KDM7A: variants seen among roughly 807,000 people sequenced by gnomAD.
The protein encoded by KDM7A is lysine demethylase 7A.
A neutral mutation model predicts 114.8 loss-of-function variants in KDM7A; 28 were observed. That is an observed-to-expected ratio of 0.24 (90% CI 0.18 to 0.33). The LOEUF (loss-of-function observed/expected upper bound fraction) is 0.33. Ranked by LOEUF, KDM7A falls within the 10% of genes least tolerant of loss-of-function variation. The probability of loss-of-function intolerance (pLI) is 1.00; values close to 1 mark genes in which losing one functional copy is unlikely to be tolerated. For missense variants in KDM7A, 942 were observed against 1,142.5 expected (o/e 0.82, Z 2.53); for synonymous variants, 423 against 397.8 (o/e 1.06, Z -0.75).
chr7:140,159,792 T>C (rs906530032), intron 1 of KDM7A, among the ~76,000 whole-genome samples: 1 of 152,138 alleles, frequency 6.6e-6, no homozygotes, highest in Non-Finnish European at 1.5e-5. Flanking sequence ...GGGATCCAGA[T>C]GCAATCAGCA....
In KDM7A at chr7:140,119,502, G is replaced by A. The variant is rs1246189168; in HGVS notation, c.1140-283C>T. ...TGGTTTTAACAAAAGACATTTTTAC[G>A]AGGGTTCTACTACAATAAATAAAAC... On this transcript the variant is annotated intron_variant, in intron 8 of 19. Transcript: ENST00000397560. 5.3e-5 allele frequency among the ~76,000 whole-genome samples: 8 copies of A among 152,272 alleles called. No homozygotes were observed. In the East Asian group the frequency reaches 5.8e-4, roughly 11 times the overall value.
chr7:140,124,438 G>T (rs1451551439), intron 7 of KDM7A, among the ~76,000 whole-genome samples, 183 bp downstream of exon 7: 1 of 152,116 alleles, frequency 6.6e-6, no homozygotes, highest in Non-Finnish European at 1.5e-5. Flanking sequence ...AATGCCAAAA[G>T]AAGTCCTAAC....
At position 140,085,925 on chromosome 7, in the gene KDM7A, CAAAG is replaced by C. The variant is rs1259321254; in HGVS notation, c.*5165_*5168del. 6.6e-6 allele frequency: 1 copy of C among 152,112 alleles called. No individual in the cohort carries two copies. Among genetic ancestry groups the C allele is most frequent in the African/African-American group, 2.4e-5 (1 of 41,404 alleles). The allele number at this position is 152,112 out of a possible 1,614,324, so 9.4% of individuals were successfully genotyped here. ...GTAAGTTTTACCAACCAAAATACAC[CAAAG>C]AAATATGAGAGTATGTCTGGGTTAT... is the stretch of plus-strand genomic sequence containing the variant. On this transcript the variant is annotated 3_prime_UTR_variant, in exon 20 of 20. Coordinates refer to ENST00000397560, the MANE Select transcript of KDM7A (RefSeq NM_030647.2).
Position 140,108,177 on chromosome 7 carries a change from T to A in KDM7A, c.1428+2918A>T, listed in dbSNP as rs557753410. 3.5e-4 allele frequency among the ~76,000 whole-genome samples: 54 copies of A among 152,304 alleles called. No homozygotes were observed. In the South Asian group the frequency reaches 0.011, roughly 30 times the overall value. ...TTATTCTAGTTAGCCATTTGTCATA[T>A]CTTTTTTTTCAAGGTTTTTAGCTTC... On this transcript the variant is annotated intron_variant, in intron 11 of 19. Transcript: ENST00000397560.
chr7:140,154,995 A>T (rs1794442796), intron 1 of KDM7A, among the ~76,000 whole-genome samples: 1 of 152,232 alleles, frequency 6.6e-6, no homozygotes, highest in Non-Finnish European at 1.5e-5. Flanking sequence ...TTATCAACAC[A>T]GGAGACTAAA....
intron 1 of KDM7A, among the ~76,000 whole-genome samples, chr7:140,171,524 T>C (rs909750588): frequency 6.9e-5 from 10 of 145,070 alleles, no homozygotes; most frequent in African/African-American, 2.5e-4. Context: ...TTTATAAATA[T>C]ATATTTATTT....
chr7:140,144,452 G>C (rs1325846294), intron 1 of KDM7A, among the ~76,000 whole-genome samples: 1 of 152,082 alleles, frequency 6.6e-6, no homozygotes, highest in Non-Finnish European at 1.5e-5. Context: ...TGGGTTTTGA[G>C]ATCTGACACC....
Position 140,164,416 on chromosome 7 carries a change from C to G in KDM7A, c.194+12328G>C, listed in dbSNP as rs189998857. Among the ~76,000 whole-genome samples the G allele has an allele frequency of 2.0e-5, 3 of 152,290 alleles. No homozygotes were observed. In the East Asian group the frequency reaches 5.8e-4, roughly 29 times the overall value. On this transcript the variant is annotated intron_variant, in intron 1 of 19. Coordinates refer to ENST00000397560, the MANE Select transcript of KDM7A (RefSeq NM_030647.2). ...AGCATCCCTGCCCTCTACCTACTAG[C>G]TGCTAGTAGCAACCACTCTGCCACT...
At chr7:140,126,107 T>C in intron 6 of KDM7A, among the ~76,000 whole-genome samples, 1 of 152,136 alleles carries the variant, frequency 6.6e-6, no homozygotes, top group Non-Finnish European at 1.5e-5. Flanking sequence ...AGGGTCTCAC[T>C]ATGTTGCTCA....
chr7:140,099,844 C>G, intron 13 of KDM7A, 55 bp downstream of exon 13: 1 of 1,546,194 alleles, frequency 6.5e-7, no homozygotes, highest in Non-Finnish European at 8.9e-7. Flanking sequence ...GTTAAATGAA[C>G]AAAGGGAACC....
chr7:140,120,394 C>T (rs887511436), intron 8 of KDM7A, 48 bp downstream of exon 8: 3 of 1,093,036 alleles, frequency 2.7e-6, no homozygotes, highest in African/African-American at 3.1e-5. Context: ...AAAAAGTATC[C>T]TATTTTTAAA....
At chr7:140,174,254 C>T (rs1176462022) in intron 1 of KDM7A, among the ~76,000 whole-genome samples, 1 of 152,076 alleles carries the variant, frequency 6.6e-6, no homozygotes, top group Non-Finnish European at 1.5e-5. Flanking sequence ...AATTTTCTAA[C>T]TTTTGACATC....
rs1193058682 is a variant in KDM7A, at chr7:140,176,434, G to T, written c.194+310C>A. ...GCGCTCCGCCCGACGCCCCCGCCGC[G>T]CCCGCCCGGCCGCGTCCCCTCGCCC... is the stretch of plus-strand genomic sequence containing the variant. On this transcript the variant is annotated intron_variant, in intron 1 of 19. Transcript: ENST00000397560. The surrounding 1 kb of genome is among the most constrained non-coding windows in gnomAD (Gnocchi z 4.4). 1.4e-5 allele frequency among the ~76,000 whole-genome samples: 2 copies of T among 141,122 alleles called. No individual in the cohort carries two copies. Among genetic ancestry groups the T allele is most frequent in the African/African-American group, 5.0e-5 (2 of 39,692 alleles). 92.6% of individuals were successfully genotyped at this position (141,122 alleles called of 152,430 possible). A position where few individuals can be genotyped will look rare whatever the true frequency, so the allele number is the denominator to read the frequency against.
rs375305333 is a variant in KDM7A at position 140,097,605 on chromosome 7, T to C, written c.1956A>G (p.Arg652=). ...CAGAAATATCAGAATATCCTGATGA[T>C]CTACTCCTGAGTTCTGATTTCACAC... ...FTRVKSELRS[R]SSGYSDISES... Residue 652 remains arginine, a synonymous_variant, in exon 15 of 20, where the codon AGA becomes AGG. Coordinates refer to ENST00000397560, the MANE Select transcript of KDM7A (RefSeq NM_030647.2). The C allele has an allele frequency of 1.2e-6, 2 of 1,607,850 alleles. No homozygotes were observed. The highest frequency in any genetic ancestry group is 1.7e-6 in the Non-Finnish European group (2 of 1,174,516).
At chr7:140,173,203 G>A (rs1159005973) in intron 1 of KDM7A, among the ~76,000 whole-genome samples, 2 of 151,972 alleles carry the variant, frequency 1.3e-5, no homozygotes, top group Non-Finnish European at 2.9e-5. Context: ...GTATCTCCAG[G>A]TTAGACAGAA....
At chr7:140,139,217 A>G in intron 1 of KDM7A, 27 bp from the exon 2 acceptor site, 3 of 1,520,584 alleles carry the variant, frequency 2.0e-6, no homozygotes. Context: ...CAAAATCAGT[A>G]TGTAAGTAAG....
intron 18 of KDM7A, 25 bp from the exon 19 acceptor site, chr7:140,092,102 G>C: frequency 6.2e-7 from 1 of 1,611,850 alleles, no homozygotes; most frequent in South Asian, 1.1e-5. Flanking sequence ...AGGACATGAG[G>C]CTGAATTTTT....
At chr7:140,100,681 C>CACACATATATATATATAT (rs1554395402) in intron 12 of KDM7A, among the ~76,000 whole-genome samples, 3 of 44,360 alleles carry the variant, frequency 6.8e-5, no homozygotes, top group Non-Finnish European at 1.3e-4. Flanking sequence ...TATATATATA[C>CACACATATATATATATAT]ATATATACAT....
At position 140,096,967 on chromosome 7, in the gene KDM7A, T is replaced by A. The variant is rs1390883207; in HGVS notation, c.2097A>T (p.Glu699Asp). ...GAAGGAAGTTCCTCATCACATTAGA[T>A]TCCTCCTTAAAGTTGGATGTTATTT... ...KQEITSNFKE[E>D]SNVMRNFLQK... The change falls in exon 16 of 20, where the codon GAA (glutamate) becomes GAT (aspartate). Residue 699 changes from glutamate to aspartate, a missense_variant. Glu to Asp is a conservative substitution (Grantham distance 45). This residue lies in a region of KDM7A where 512 missense variants were observed against 576.6 expected (regional missense o/e 0.89). Coordinates refer to ENST00000397560, the MANE Select transcript of KDM7A (RefSeq NM_030647.2). The A allele has an allele frequency of 1.2e-6, 2 of 1,613,124 alleles. No homozygotes were observed. The highest frequency in any genetic ancestry group is 8.5e-7 in the Non-Finnish European group (1 of 1,179,272).
Sources: gnomAD v4.1 joint callset for allele counts (sites outside exome capture counted in the v4.1 genomes callset) on GRCh38, gnomAD v4.1.1 for gene constraint, gnomAD v4.1.1 regional missense constraint, Gnocchi (gnomAD v3.1) non-coding constraint, MANE v1.5 for transcripts, NCBI Gene and HGNC (gene_info 2026-07-23, HGNC 2026-07-21) for gene names.